The following CNTNAP2 variants were observed in gnomAD, a reference collection of about 807,000 sequenced individuals.
The protein encoded by CNTNAP2 is contactin-associated protein-like 2.
A neutral mutation model predicts 155.2 loss-of-function variants in CNTNAP2; 98 were observed. The observed-to-expected ratio is 0.63, with a 90% CI of 0.54 to 0.75. The LOEUF is 0.75. Among genes scored for constraint, CNTNAP2 ranks in the 30% least tolerant of loss-of-function variants. The pLI, the probability that CNTNAP2 is intolerant of heterozygous loss-of-function variation, is 0.00. For missense variants in CNTNAP2, 1,727 were observed against 1,688.1 expected, an observed-to-expected ratio of 1.02 and a Z score of -0.40; for synonymous variants, 651 against 631.2, an observed-to-expected ratio of 1.03 and a Z score of -0.47.
chr7:147,414,375 G>A (rs1797152622), intron 10 of CNTNAP2, among the ~76,000 whole-genome samples: 1 of 149,326 alleles, frequency 6.7e-6, no homozygotes, highest in African/African-American at 2.5e-5. Flanking sequence ...AATGAGCTGA[G>A]ACTGTGGTAT....
chr7:147,073,383 T>C (rs1223948559), intron 4 of CNTNAP2, among the ~76,000 whole-genome samples: 2 of 150,900 alleles, frequency 1.3e-5, no homozygotes, highest in South Asian at 2.1e-4. Flanking sequence ...TGAGCACACA[T>C]GGTAAATGTT....
chr7:146,320,880 T>C (rs1800988905), intron 1 of CNTNAP2, among the ~76,000 whole-genome samples: 1 of 152,058 alleles, frequency 6.6e-6, no homozygotes, highest in African/African-American at 2.4e-5. Context: ...ATTGTTAAGA[T>C]TTTCTGAACA....
At chr7:147,025,131 A>G (rs983765807) in intron 3 of CNTNAP2, among the ~76,000 whole-genome samples, 1 of 149,502 alleles carries the variant, frequency 6.7e-6, no homozygotes, top group Non-Finnish European at 1.5e-5. Flanking sequence ...TAAAAATACC[A>G]AAAAATTAGC....
At chr7:147,031,399 C>G (rs1453642061) in intron 3 of CNTNAP2, among the ~76,000 whole-genome samples, 2 of 152,070 alleles carry the variant, frequency 1.3e-5, no homozygotes, top group Non-Finnish European at 2.9e-5. Flanking sequence ...GCATTTGTAA[C>G]AAATGCTCAC....
At chr7:146,414,266 G>A (rs1795906607) in intron 1 of CNTNAP2, among the ~76,000 whole-genome samples, 1 of 152,184 alleles carries the variant, frequency 6.6e-6, no homozygotes, top group Admixed American at 6.5e-5. Flanking sequence ...GAAGAAAAGG[G>A]TGGTGTCAAC....
chr7:147,654,812 T>TTTTTC (rs1236559156), intron 13 of CNTNAP2, among the ~76,000 whole-genome samples: 3 of 131,108 alleles, frequency 2.3e-5, no homozygotes, highest in Non-Finnish European at 3.2e-5. Context: ...ATATTTCTTT[T>TTTTTC]TTTTTTTTTT....
At chr7:146,512,087 A>G (rs970247896) in intron 1 of CNTNAP2, among the ~76,000 whole-genome samples, 8 of 152,112 alleles carry the variant, frequency 5.3e-5, no homozygotes, top group Non-Finnish European at 1.0e-4. Context: ...ATAATATGCT[A>G]TAATCATCCT....
rs773427586 is a variant in CNTNAP2 at position 146,631,799 on chromosome 7, A to G, written c.98-142472A>G. Among the ~76,000 whole-genome samples the G allele has an allele frequency of 1.1e-4, 17 of 152,132 alleles. 1 individual carries two copies. Among genetic ancestry groups the G allele is most frequent in the Non-Finnish European group, 2.4e-4 (16 of 68,018 alleles). On this transcript the variant is annotated intron_variant, in intron 1 of 23. Transcript: ENST00000361727. The stretch of plus-strand genomic sequence containing the variant: ...ATTTTTTTAAGAATCTCTCACTTAC[A>G]TACAAACTCACTTTACCAATCTCCA...
intron 12 of CNTNAP2, among the ~76,000 whole-genome samples, chr7:147,597,839 T>C (rs1800854657): frequency 6.6e-6 from 1 of 152,204 alleles, no homozygotes; most frequent in South Asian, 2.1e-4. Context: ...AATCATATGA[T>C]CATTTGTTCT....
intron 17 of CNTNAP2, among the ~76,000 whole-genome samples, chr7:148,160,154 C>T (rs898327500): frequency 3.9e-5 from 6 of 152,202 alleles, no homozygotes; most frequent in African/African-American, 4.8e-5. Context: ...GTGAGAGGAT[C>T]GCCTGAGCCC....
At chr7:146,859,089 T>C (rs926374704) in intron 3 of CNTNAP2, among the ~76,000 whole-genome samples, 2 of 152,188 alleles carry the variant, frequency 1.3e-5, no homozygotes, top group Non-Finnish European at 2.9e-5. Context: ...AGATTGAGAA[T>C]AAAGGTAAAA....
intron 1 of CNTNAP2, among the ~76,000 whole-genome samples, chr7:146,333,296 G>A (rs540801022): frequency 3.3e-5 from 5 of 152,056 alleles, no homozygotes; most frequent in African/African-American, 1.2e-4. Flanking sequence ...ACTGCTTTAA[G>A]AGTCAAAATG....
At chr7:146,170,620 T>C (rs919451393) in intron 1 of CNTNAP2, among the ~76,000 whole-genome samples, 14 of 152,162 alleles carry the variant, frequency 9.2e-5, no homozygotes, top group African/African-American at 3.4e-4. Flanking sequence ...AGAAAACTAA[T>C]TTTTAAAAAA....
At chr7:146,971,649 T>G (rs965993384) in intron 3 of CNTNAP2, among the ~76,000 whole-genome samples, 3 of 152,100 alleles carry the variant, frequency 2.0e-5, no homozygotes, top group African/African-American at 7.2e-5. Flanking sequence ...TCCTTTTCTG[T>G]GCAGATTGCC....
At chr7:147,636,964 G>C (rs1795191194) in intron 12 of CNTNAP2, among the ~76,000 whole-genome samples, 1 of 152,132 alleles carries the variant, frequency 6.6e-6, no homozygotes, top group Non-Finnish European at 1.5e-5. Context: ...AAAGGAAGCA[G>C]CAGGTGCAGA....
At chr7:147,119,755 A>C (rs537061895) in intron 5 of CNTNAP2, among the ~76,000 whole-genome samples, 1 of 152,126 alleles carries the variant, frequency 6.6e-6, no homozygotes, top group Non-Finnish European at 1.5e-5. Flanking sequence ...AGGGGAAAGA[A>C]AGGGAGAGGA....
chr7:147,043,850 A>C, intron 3 of CNTNAP2, 57 bp from the exon 4 acceptor site: 1 of 1,592,248 alleles, frequency 6.3e-7, no homozygotes, highest in Non-Finnish European at 8.6e-7. Flanking sequence ...TAGACAGAGG[A>C]CATGATTGTT....
At chr7:148,385,162 T>C (rs956386252) in intron 22 of CNTNAP2, among the ~76,000 whole-genome samples, 5 of 152,174 alleles carry the variant, frequency 3.3e-5, no homozygotes, top group Non-Finnish European at 7.3e-5. Context: ...CAAAGCTTTG[T>C]GAAGCTTAGA....
intron 15 of CNTNAP2, among the ~76,000 whole-genome samples, chr7:148,076,157 G>A (rs1029375404): frequency 6.6e-6 from 1 of 152,190 alleles, no homozygotes; most frequent in African/African-American, 2.4e-5. Flanking sequence ...GAAGTCTACA[G>A]TTCAGATTCA....
Sources: gnomAD v4.1 joint callset for allele counts (sites outside exome capture counted in the v4.1 genomes callset) on GRCh38, gnomAD v4.1.1 for gene constraint, MANE v1.5 for transcripts, NCBI Gene and HGNC (gene_info 2026-07-23, HGNC 2026-07-21) for gene names.